The following PMPCB variants were observed in gnomAD, a reference collection of about 807,000 sequenced individuals.
PMPCB encodes the protein peptidase, mitochondrial processing subunit beta.
In PMPCB, 46 loss-of-function variants were observed where a neutral mutation model predicts 61.5. That is an observed-to-expected ratio of 0.75 (90% CI 0.59 to 0.96). The LOEUF (loss-of-function observed/expected upper bound fraction) is 0.96, where lower values mean the gene tolerates loss of function less well. Ranked by LOEUF, PMPCB falls within the 40% of genes least tolerant of loss-of-function variation. The pLI, the probability that PMPCB is intolerant of heterozygous loss-of-function variation, is 0.00. For synonymous variants in PMPCB, 191 were observed against 201.6 expected, an observed-to-expected ratio of 0.95 and a Z score of 0.44; for missense variants, 590 against 602.4, an observed-to-expected ratio of 0.98 and a Z score of 0.22.
At chr7:103,335,617 C>T in the PMPCB span, 1 of 151,830 alleles carries the variant, frequency 6.6e-6, no homozygotes, top group South Asian at 2.1e-4. Flanking sequence ...ACAATCTTCG[C>T]TCACTGCAAC....
At chr7:103,325,449 G>GA (rs35877928) in intron 12 of PMPCB, among the ~76,000 whole-genome samples, 83,487 of 145,874 alleles carry the variant, frequency 0.57, 25,107 homozygotes, top group Middle Eastern at 0.75. Context: ...AATAAAAAAG[G>GA]AAAAAAAAAA....
In PMPCB at chr7:103,311,789, T is replaced by C; in HGVS notation, c.1241-19T>C. On this transcript the variant is annotated intron_variant, in intron 10 of 12. Transcript: ENST00000249269. ...TTGATCTGTATTCCAATAGTTAATT[T>C]TTCCTTCTCTTTAAACAGGTTCAAC... 2 of 1,606,132 alleles carry C rather than the reference T, an allele frequency of 1.2e-6. No homozygotes were observed. Among genetic ancestry groups the C allele is most frequent in the Non-Finnish European group, 1.7e-6 (2 of 1,173,290 alleles).
the PMPCB span, among the ~76,000 whole-genome samples, chr7:103,338,604 C>T: frequency 6.6e-6 from 1 of 151,898 alleles, no homozygotes; most frequent in South Asian, 2.1e-4. Flanking sequence ...CGGCCAAGAC[C>T]CTGTCTTTAA....
At chr7:103,337,078 GA>G in the PMPCB span, 1 of 152,180 alleles carries the variant, frequency 6.6e-6, no homozygotes, top group Admixed American at 6.6e-5. Flanking sequence ...TCCTAAGATA[GA>G]AAACTGATCA....
rs368482738 is a variant in PMPCB at position 103,303,826 on chromosome 7, T to G, written c.458-16T>G. 4 of 1,566,868 alleles carry G rather than the reference T, an allele frequency of 2.6e-6. No homozygotes were observed. In the African/African-American group the frequency reaches 5.5e-5, roughly 22 times the overall value. On this transcript the variant is annotated splice_polypyrimidine_tract_variant and intron_variant, in intron 4 of 12. Coordinates refer to ENST00000249269, the MANE Select transcript of PMPCB (RefSeq NM_004279.3). ...AAGATTGCTGGCACGTTTTCTTATATTTTATTTTCAATTAGCTGTAGAAAT... is the reference window on the plus strand; with the variant it reads ...AAGATTGCTGGCACGTTTTCTTATAGTTTATTTTCAATTAGCTGTAGAAAT...
At chr7:103,299,881 A>G (rs1817401857) in intron 3 of PMPCB, among the ~76,000 whole-genome samples, 2 of 152,100 alleles carry the variant, frequency 1.3e-5, no homozygotes. Context: ...CCATCCTCCC[A>G]CATTTACTTC....
Position 103,313,203 on chromosome 7 carries a change from T to A in PMPCB, c.*932T>A. 1 of 1,474,968 alleles carries A rather than the reference T, an allele frequency of 6.8e-7. No individual in the cohort carries two copies. Among genetic ancestry groups the A allele is most frequent in the African/African-American group, 1.4e-5 (1 of 70,544 alleles). 91.4% of individuals were successfully genotyped at this position (1,474,968 alleles called of 1,614,324 possible). ...GCTAAGTGCCCATTTCAATCTGGGA[T>A]GTGTCATTTTGAAAATAAACTTGTA... On this transcript the variant is annotated 3_prime_UTR_variant, in exon 13 of 13. Transcript: ENST00000249269.
At chr7:103,299,853 C>G (rs1443334695) in intron 3 of PMPCB, among the ~76,000 whole-genome samples, 8 of 152,136 alleles carry the variant, frequency 5.3e-5, no homozygotes, top group Admixed American at 5.2e-4. Context: ...ACTGCAACCT[C>G]CGCCTCCTAG....
intron 12 of PMPCB, chr7:103,323,745 T>A: frequency 2.8e-6 from 3 of 1,070,350 alleles, no homozygotes; most frequent in Non-Finnish European, 3.8e-6. Context: ...TGAATTTGTT[T>A]TAATGGATAC....
Position 103,312,779 on chromosome 7 carries a change from TAGAA to T in PMPCB, c.*511_*514del. ...ACTGATTTCATTATCTGCCAGGGCC[TAGAA>T]AGTTTCTAAGGTTGCTCATTTCTTC... On this transcript the variant is annotated 3_prime_UTR_variant, in exon 13 of 13. Transcript: ENST00000249269. 6.6e-7 allele frequency: 1 copy of T among 1,511,720 alleles called. No individual in the cohort carries two copies. Among genetic ancestry groups the T allele is most frequent in the Non-Finnish European group, 8.8e-7 (1 of 1,138,624 alleles). The allele number at this position is 1,511,720 out of a possible 1,614,324, so 93.6% of individuals were successfully genotyped here.
downstream of PMPCB, among the ~76,000 whole-genome samples, chr7:103,333,857 C>T (rs1819064159): frequency 6.6e-6 from 1 of 152,092 alleles, no homozygotes; most frequent in South Asian, 2.1e-4. Context: ...TTCCACTGCA[C>T]CAAAATATAT....
chr7:103,320,026 T>TC (rs1818294451), intron 12 of PMPCB, among the ~76,000 whole-genome samples: 1 of 152,100 alleles, frequency 6.6e-6, no homozygotes, highest in East Asian at 1.9e-4. Context: ...AGAGCAAGAC[T>TC]CCATCTCAAA....
At chr7:103,310,551 G>A (rs1817710780) in intron 9 of PMPCB, 76 bp downstream of exon 9, 1 of 1,109,160 alleles carries the variant, frequency 9.0e-7, no homozygotes, top group South Asian at 1.7e-5. Context: ...TATACTTTAT[G>A]GTGATTTATG....
chr7:103,307,627 A>T lies in PMPCB; in HGVS notation c.768A>T (p.Ala256=). ...GVSHDELLDL[A]KFHFGDSLCT... Reference sequence around the variant, plus strand: ...CCCATGATGAATTGCTTGACTTAGCAAAGTTTCATTTCGGTGACTCTTTAT... The same window carrying T: ...CCCATGATGAATTGCTTGACTTAGCTAAGTTTCATTTCGGTGACTCTTTAT... The change falls in exon 7 of 13, where the codon GCA becomes GCT. Residue 256 remains alanine, a synonymous_variant. Coordinates refer to ENST00000249269, the MANE Select transcript of PMPCB (RefSeq NM_004279.3). The T allele has an allele frequency of 8.1e-6, 13 of 1,613,024 alleles. No individual in the cohort carries two copies. Among genetic ancestry groups the T allele is most frequent in the Non-Finnish European group, 1.1e-5 (13 of 1,178,966 alleles).
At position 103,313,134 on chromosome 7, in the gene PMPCB, CTT is replaced by C; in HGVS notation, c.*865_*866del. 6.3e-7 allele frequency: 1 copy of C among 1,583,650 alleles called. No individual in the cohort carries two copies. Among genetic ancestry groups the C allele is most frequent in the Non-Finnish European group, 8.6e-7 (1 of 1,168,682 alleles). The stretch of plus-strand genomic sequence containing the variant: ...AGAAAAATTTTTATTTGAAAACTGT[CTT>C]TGAACATGTTCTCAGACAAGTCTTG... On this transcript the variant is annotated 3_prime_UTR_variant, in exon 13 of 13. Transcript: ENST00000249269.
chr7:103,302,709 T>C (rs1817481658), intron 4 of PMPCB, among the ~76,000 whole-genome samples: 1 of 152,162 alleles, frequency 6.6e-6, no homozygotes, highest in Non-Finnish European at 1.5e-5. Context: ...GTGAACTTAA[T>C]TAAAACAAGC....
chr7:103,304,899 C>CA (rs906349618), intron 6 of PMPCB, among the ~76,000 whole-genome samples: 4 of 151,560 alleles, frequency 2.6e-5, no homozygotes, highest in African/African-American at 9.7e-5. Flanking sequence ...GCGGAGGTTA[C>CA]AGTGAGCCAA....
downstream of PMPCB, among the ~76,000 whole-genome samples, chr7:103,331,600 G>A (rs1188913530): frequency 6.6e-6 from 1 of 152,134 alleles, no homozygotes; most frequent in Non-Finnish European, 1.5e-5. Context: ...TCTCAAGAGT[G>A]AGAACATGCA....
intron 12 of PMPCB, chr7:103,328,782 C>A: frequency 3.6e-6 from 1 of 276,452 alleles, no homozygotes; most frequent in Non-Finnish European, 7.0e-6. Flanking sequence ...CTGCTTAATA[C>A]AGTATTTCAA....
Sources: allele counts gnomAD v4.1 joint callset (sites outside exome capture counted in the v4.1 genomes callset), GRCh38; gene constraint gnomAD v4.1.1; transcripts MANE v1.5; gene names NCBI Gene and HGNC (gene_info 2026-07-23, HGNC 2026-07-21).